The following CEP350 variants were observed in gnomAD, a reference collection of about 807,000 sequenced individuals.
CEP350 encodes the protein centrosomal protein 350.
In CEP350, 126 loss-of-function variants were observed where a neutral mutation model predicts 331.8. The observed-to-expected ratio is 0.38, with a 90% CI of 0.33 to 0.44. CEP350 has a LOEUF of 0.44. Among genes scored for constraint, CEP350 ranks in the 20% least tolerant of loss-of-function variants. The probability of loss-of-function intolerance (pLI) is 1.00; values close to 1 mark genes in which losing one functional copy is unlikely to be tolerated. For synonymous variants in CEP350, 1,200 were observed against 1,259.5 expected, an observed-to-expected ratio of 0.95 and a Z score of 1.00; for missense variants, 3,406 against 3,634.6, an observed-to-expected ratio of 0.94 and a Z score of 1.62.
intron 1 of CEP350, among the ~76,000 whole-genome samples, chr1:179,964,419 A>T (rs1405309760): frequency 6.6e-6 from 1 of 151,782 alleles, no homozygotes; most frequent in Non-Finnish European, 1.5e-5. Flanking sequence ...ATTCAGTGTG[A>T]TCTTGATTTT....
In CEP350 at chr1:180,048,620, A is replaced by G; in HGVS notation, c.4707A>G (p.Ile1569Met). Residue 1569 changes from isoleucine to methionine, a missense_variant, in exon 22 of 38, where the codon ATA (isoleucine) becomes ATG (methionine). Ile to Met is a conservative substitution (Grantham distance 10). Around this residue, in one of 5 missense-constraint regions of CEP350, gnomAD observed 1,857 missense variants for 1,909.2 expected, o/e 0.97. Coordinates refer to ENST00000367607, the MANE Select transcript of CEP350 (RefSeq NM_014810.5). ...AGAAGAAACTTAATGGTGAAAAGAT[A>G]GAGAGTTCCATTGATGAACAGGTTC... is the stretch of plus-strand genomic sequence containing the variant. The part of the protein sequence containing the change: ...ENEKKLNGEK[I>M]ESSIDEQVQT... 1 of 1,606,860 alleles carries G rather than the reference A, an allele frequency of 6.2e-7. No individual in the cohort carries two copies. The highest frequency in any genetic ancestry group is 8.5e-7 in the Non-Finnish European group (1 of 1,173,430).
intron 1 of CEP350, chr1:179,968,751 A>G (rs1651207373): frequency 4.9e-6 from 3 of 615,344 alleles, no homozygotes; most frequent in Non-Finnish European, 9.3e-6. Flanking sequence ...TCCAAATGGA[A>G]CAGTACATCT....
chr1:180,087,027 C>T (rs190497936), intron 31 of CEP350: 1 of 152,228 alleles, frequency 6.6e-6, no homozygotes, highest in East Asian at 1.9e-4. Context: ...GGAGGAATCC[C>T]CTTATATTTC....
chr1:179,977,803 A>T (rs992517397), intron 1 of CEP350, among the ~76,000 whole-genome samples: 4 of 151,966 alleles, frequency 2.6e-5, no homozygotes, highest in Non-Finnish European at 4.4e-5. Context: ...TTAATTTTTT[A>T]AAACTTTTTG....
rs113944861 is a variant in CEP350 at position 180,006,362 on chromosome 1, A to G, written c.1133-92A>G. 1,070 of 702,420 alleles carry G rather than the reference A, an allele frequency of 1.5e-3. 11 individuals are homozygous for G. In the African/African-American group the frequency reaches 0.015, roughly 10 times the overall value. The allele number at this position is 702,420 out of a possible 1,614,324, so 43.5% of individuals were successfully genotyped here. ...AGGTTTCTTTCTCCCTACCTGCAGC[A>G]TATACTTTATACAGATTTTTCCTAT... On this transcript the variant is annotated intron_variant, in intron 7 of 37. Coordinates refer to ENST00000367607, the MANE Select transcript of CEP350 (RefSeq NM_014810.5).
chr1:180,041,846 C>T, intron 19 of CEP350, 44 bp downstream of exon 19: 2 of 1,558,770 alleles, frequency 1.3e-6, no homozygotes, highest in South Asian at 2.3e-5. Context: ...TCTTTTTAGT[C>T]AATCTGAGTA....
At chr1:180,042,167 C>CA (rs3223192) in intron 19 of CEP350, among the ~76,000 whole-genome samples, 3 of 150,198 alleles carry the variant, frequency 2.0e-5, no homozygotes, top group Non-Finnish European at 4.4e-5. Context: ...CACACACACA[C>CA]ATCTCCCTAT....
chr1:179,983,757 A>C (rs1351809133), intron 1 of CEP350, among the ~76,000 whole-genome samples: 1 of 152,244 alleles, frequency 6.6e-6, no homozygotes, highest in Non-Finnish European at 1.5e-5. Context: ...TGGAGAAAAT[A>C]ATGTTTATCA....
intron 1 of CEP350, 64 bp downstream of exon 1, chr1:179,955,206 G>GCGGTCCCGGGTCCC: frequency 8.1e-7 from 1 of 1,229,766 alleles, no homozygotes; most frequent in Non-Finnish European, 1.0e-6. Flanking sequence ...GTCTCTGTCC[G>GCGGTCCCGGGTCCC]CGGTCCCGGG....
intron 11 of CEP350, 148 bp from the exon 12 acceptor site, chr1:180,019,801 T>C (rs1655203092): frequency 3.4e-6 from 2 of 588,454 alleles, no homozygotes; most frequent in Admixed American, 3.7e-5. Context: ...TTTTTATTGT[T>C]TTGCTGAGTG....
rs775097612 is a variant in CEP350, at chr1:180,020,809, T to C, written c.3035T>C (p.Leu1012Ser). 2.0e-5 allele frequency: 32 copies of C among 1,613,060 alleles called. No homozygotes were observed. The South Asian group carries it at 3.4e-4, about 17-fold the overall frequency. Residue 1012 changes from leucine to serine, a missense_variant, in exon 12 of 38, where the codon TTA becomes TCA. Transcript: ENST00000367607. ...CCCCTTTTGAAAGTAGCAGAAATTT[T>C]AAAAGAAAAGGAATTTTGTCCTGGA... ...GQPLLKVAEI[L>S]KEKEFCPGER...
intron 30 of CEP350, among the ~76,000 whole-genome samples, chr1:180,083,621 G>C (rs1387322777): frequency 6.6e-6 from 1 of 152,044 alleles, no homozygotes; most frequent in Admixed American, 6.6e-5. Flanking sequence ...TAATAACTAA[G>C]GCAAAAGACA....
At chr1:180,021,453 A>C (rs919789520) in intron 12 of CEP350, among the ~76,000 whole-genome samples, 6 of 152,182 alleles carry the variant, frequency 3.9e-5, no homozygotes, top group African/African-American at 1.4e-4. Context: ...TAGGAGTTCA[A>C]GACCAGCCTG....
chr1:179,994,182 G>A (rs188942826), intron 5 of CEP350, among the ~76,000 whole-genome samples: 2 of 152,276 alleles, frequency 1.3e-5, no homozygotes, highest in Non-Finnish European at 2.9e-5. Flanking sequence ...TAATGAGTGA[G>A]TGAATGAAAG....
intron 1 of CEP350, among the ~76,000 whole-genome samples, chr1:179,977,905 A>G (rs1651989485): frequency 6.6e-6 from 1 of 151,340 alleles, no homozygotes; most frequent in African/African-American, 2.4e-5. Flanking sequence ...TTCAATTTAA[A>G]TTTTTATGTT....
At chr1:179,972,736 T>C (rs754163699) in intron 1 of CEP350, among the ~76,000 whole-genome samples, 3 of 152,064 alleles carry the variant, frequency 2.0e-5, no homozygotes, top group Non-Finnish European at 4.4e-5. Context: ...AGGTTGAGGA[T>C]TGAAAATACC....
Position 179,987,264 on chromosome 1 carries a change from C to G in CEP350, c.98C>G (p.Ala33Gly), listed in dbSNP as rs1481086626. The G allele has an allele frequency of 2.6e-6, 4 of 1,566,454 alleles. No homozygotes were observed. Among genetic ancestry groups the G allele is most frequent in the African/African-American group, 1.4e-5 (1 of 73,826 alleles). ...GCAGATATAACCACATCGTGGGATG[C>G]ACTTTCTCAAACCAAGGCTGCTGTA... ...VQADITTSWD[A>G]LSQTKAALRH... Residue 33 changes from alanine (A) to glycine (G), a missense_variant, in exon 3 of 38, where the codon GCA (alanine) becomes GGA (glycine). By Grantham distance (60) the Ala-to-Gly change is moderately conservative. Around this residue, in one of 5 missense-constraint regions of CEP350, gnomAD observed 1,857 missense variants for 1,909.2 expected, o/e 0.97. Transcript: ENST00000367607.
At position 180,093,030 on chromosome 1, in the gene CEP350, A is replaced by G; in HGVS notation, c.6925A>G (p.Asn2309Asp). The change falls in exon 34 of 38, where the codon AAT becomes GAT. Residue 2309 changes from asparagine (N) to aspartate (D), a missense_variant. Coordinates refer to ENST00000367607, the MANE Select transcript of CEP350 (RefSeq NM_014810.5). The part of the protein sequence containing the change: ...SKKDLPLDSE[N>D]VQKDLVGLAI... ...GAAAGATCTTCCTTTAGATTCTGAA[A>G]ATGTTCAGAAAGACCTAGTTGGATT... 1 of 1,605,560 alleles carries G rather than the reference A, an allele frequency of 6.2e-7. No homozygotes were observed. Among genetic ancestry groups the G allele is most frequent in the South Asian group, 1.1e-5 (1 of 89,524 alleles).
At position 180,059,794 on chromosome 1, in the gene CEP350, A is replaced by G. The variant is rs1192548350; in HGVS notation, c.5263-2426A>G. Among the ~76,000 whole-genome samples, 3 of 152,242 alleles carry G rather than the reference A, an allele frequency of 2.0e-5. No homozygotes were observed. The East Asian group carries it at 5.8e-4, about 29-fold the overall frequency. On this transcript the variant is annotated intron_variant, in intron 25 of 37. Transcript: ENST00000367607. ...TATATGTTGCCAATGATAAAATTCAAGCTTTCACACAAAAGTCAGGATTTT... is the reference window on the plus strand; with the variant it reads ...TATATGTTGCCAATGATAAAATTCAGGCTTTCACACAAAAGTCAGGATTTT...
Sources: gnomAD v4.1 joint callset for allele counts (sites outside exome capture counted in the v4.1 genomes callset) on GRCh38, gnomAD v4.1.1 for gene constraint, gnomAD v4.1.1 regional missense constraint, MANE v1.5 for transcripts, NCBI Gene and HGNC (gene_info 2026-07-23, HGNC 2026-07-21) for gene names.